KIF6: variants seen among roughly 807,000 people sequenced by gnomAD.
KIF6 encodes kinesin-like protein KIF6.
KIF6 carries 106 observed loss-of-function variants against 112.7 expected under a neutral mutation model. The observed-to-expected ratio is 0.94, with a 90% CI of 0.80 to 1.11. KIF6 has a LOEUF of 1.11. Among genes scored for constraint, KIF6 ranks in the 50% least tolerant of loss-of-function variants. The pLI is 0.00. For synonymous variants in KIF6, 339 were observed against 339.9 expected (o/e 1.00, Z 0.03); for missense variants, 929 against 964.0 (o/e 0.96, Z 0.48).
intron 22 of KIF6, among the ~76,000 whole-genome samples, chr6:39,341,436 C>T (rs1023419209): frequency 1.3e-5 from 2 of 152,186 alleles, no homozygotes; most frequent in Non-Finnish European, 1.5e-5. Context: ...CTTCCTCTCT[C>T]TCCGCAACTG....
At position 39,360,536 on chromosome 6, in the gene KIF6, G is replaced by A. The variant is rs1351178935; in HGVS notation, c.1947-6C>T. On this transcript the variant is annotated splice_region_variant and splice_polypyrimidine_tract_variant and intron_variant, in intron 17 of 22. Transcript: ENST00000287152. ...GAGTGAACATTGTTTTATACCTGCG[G>A]TGGAATCGGGGAAGAGTCAGGGCAC... 1.9e-6 allele frequency: 3 copies of A among 1,614,192 alleles called. No individual in the cohort carries two copies. The highest frequency in any genetic ancestry group is 2.2e-5 in the East Asian group (1 of 44,888).
In KIF6 at chr6:39,343,702, C is replaced by G; in HGVS notation, c.2428+7G>C. ...CCAGGAGGAGCCACCGAGGGAGGTG[C>G]ACTTACATTGCTTCTGCAGAATGCT... On this transcript the variant is annotated splice_region_variant and intron_variant, in intron 22 of 22. Coordinates refer to ENST00000287152, the MANE Select transcript of KIF6 (RefSeq NM_145027.6). The surrounding 1 kb of genome is among the most constrained non-coding windows in gnomAD (Gnocchi z 4.1). 1 of 1,595,412 alleles carries G rather than the reference C, an allele frequency of 6.3e-7. No homozygotes were observed. Among genetic ancestry groups the G allele is most frequent in the Non-Finnish European group, 8.6e-7 (1 of 1,169,170 alleles).
chr6:39,709,557 G>A (rs150810061), intron 3 of KIF6, among the ~76,000 whole-genome samples: 189 of 152,290 alleles, frequency 1.2e-3, no homozygotes, highest in African/African-American at 4.4e-3. Flanking sequence ...ATGGCCTGGG[G>A]CTTTGGGGAC....
chr6:39,424,632 T>G (rs944447058), intron 14 of KIF6, among the ~76,000 whole-genome samples: 5 of 152,242 alleles, frequency 3.3e-5, no homozygotes, highest in African/African-American at 4.8e-5. Flanking sequence ...GGTCTCAGGC[T>G]CTTCATTTCT....
At chr6:39,338,962 G>C in intron 22 of KIF6, among the ~76,000 whole-genome samples, 1 of 138,976 alleles carries the variant, frequency 7.2e-6, no homozygotes, top group African/African-American at 2.6e-5. Flanking sequence ...GGTGGGGTGG[G>C]GCCTGGGAAG....
intron 14 of KIF6, among the ~76,000 whole-genome samples, chr6:39,426,016 C>A (rs188099266): frequency 6.6e-6 from 1 of 152,312 alleles, no homozygotes; most frequent in East Asian, 1.9e-4. Context: ...ACATTTTCAA[C>A]ACCTTCATTT....
At chr6:39,417,673 G>C (rs1329322262) in intron 15 of KIF6, among the ~76,000 whole-genome samples, 1 of 152,102 alleles carries the variant, frequency 6.6e-6, no homozygotes, top group Non-Finnish European at 1.5e-5. Flanking sequence ...TGGCAAACTT[G>C]CTCCACCAAC....
intron 12 of KIF6, among the ~76,000 whole-genome samples, chr6:39,541,577 C>T (rs1202996599): frequency 4.6e-5 from 7 of 152,168 alleles, no homozygotes; most frequent in Admixed American, 1.3e-4. Flanking sequence ...TTCTAGGCAT[C>T]GGTATAGAGC....
At chr6:39,466,173 G>T (rs1056316161) in intron 13 of KIF6, among the ~76,000 whole-genome samples, 2 of 152,154 alleles carry the variant, frequency 1.3e-5, no homozygotes, top group African/African-American at 2.4e-5. Flanking sequence ...CATAAATACG[G>T]CTGTGTAAAA....
intron 9 of KIF6, chr6:39,583,618 G>T (rs987139641): frequency 1.2e-5 from 3 of 243,672 alleles, no homozygotes; most frequent in East Asian, 1.3e-4. Context: ...TAATTTGTTG[G>T]TTTTTTTTTG....
intron 3 of KIF6, among the ~76,000 whole-genome samples, chr6:39,661,068 C>T (rs1204737162): frequency 6.6e-6 from 1 of 152,180 alleles, no homozygotes; most frequent in Admixed American, 6.5e-5. Context: ...GAATCAATCA[C>T]TCTGAAAAGC....
chr6:39,572,657 G>A (rs1205438471), intron 10 of KIF6, among the ~76,000 whole-genome samples: 1 of 126,726 alleles, frequency 7.9e-6, no homozygotes, highest in Non-Finnish European at 1.6e-5. Context: ...AAGATCTACA[G>A]GCTTTTTTTT....
intron 19 of KIF6, among the ~76,000 whole-genome samples, chr6:39,351,881 T>C (rs958537633): frequency 6.6e-6 from 1 of 152,206 alleles, no homozygotes; most frequent in East Asian, 1.9e-4. Flanking sequence ...CTCCTCGTTG[T>C]GTTTTTCAGA....
intron 6 of KIF6, among the ~76,000 whole-genome samples, chr6:39,610,441 T>C (rs1783153444): frequency 6.6e-6 from 1 of 152,222 alleles, no homozygotes; most frequent in Non-Finnish European, 1.5e-5. Flanking sequence ...TTGCAAATGT[T>C]TTCTGGTTAC....
intron 13 of KIF6, among the ~76,000 whole-genome samples, chr6:39,478,892 G>T (rs1331894519): frequency 1.3e-5 from 2 of 151,752 alleles, no homozygotes; most frequent in African/African-American, 4.8e-5. Flanking sequence ...TTGGCCATTT[G>T]TATATCTTCT....
intron 13 of KIF6, among the ~76,000 whole-genome samples, chr6:39,442,665 T>A (rs965919631): frequency 6.6e-6 from 1 of 152,200 alleles, no homozygotes; most frequent in Non-Finnish European, 1.5e-5. Flanking sequence ...CCCGTAGATG[T>A]GGCAGCACTG....
chr6:39,540,263 T>C (rs1440715413), intron 12 of KIF6, 42 bp from the exon 13 acceptor site: 4 of 1,254,752 alleles, frequency 3.2e-6, no homozygotes, highest in African/African-American at 1.5e-5. Flanking sequence ...TGCTAGCTTA[T>C]AGTAATCAAA....
chr6:39,351,856 T>C (rs1764268053), intron 19 of KIF6, among the ~76,000 whole-genome samples: 2 of 152,216 alleles, frequency 1.3e-5, no homozygotes, highest in South Asian at 4.1e-4. Context: ...GAGCAATGAT[T>C]GAGGAAGCTG....
intron 15 of KIF6, among the ~76,000 whole-genome samples, chr6:39,415,338 C>T (rs1490597206): frequency 3.2e-5 from 4 of 123,200 alleles, no homozygotes; most frequent in Non-Finnish European, 6.7e-5. Context: ...CCAAATGGGA[C>T]GGTTAAATAC....
Sources: allele counts gnomAD v4.1 joint callset (sites outside exome capture counted in the v4.1 genomes callset), GRCh38; gene constraint gnomAD v4.1.1; non-coding constraint Gnocchi (gnomAD v3.1); transcripts MANE v1.5; gene names NCBI Gene and HGNC (gene_info 2026-07-23, HGNC 2026-07-21).